ANKS1B: variants seen among roughly 807,000 people sequenced by gnomAD.
ANKS1B encodes ankyrin repeat and sterile alpha motif domain-containing protein 1B.
Under a neutral mutation model 148.3 loss-of-function variants are expected in ANKS1B, and 36 were observed. That is an observed-to-expected ratio of 0.24 (90% CI 0.19 to 0.32). ANKS1B has a LOEUF of 0.32. Ranked by LOEUF, ANKS1B falls within the 10% of genes least tolerant of loss-of-function variation. The pLI is 1.00. For missense variants in ANKS1B, 1,157 were observed against 1,542.6 expected (o/e 0.75, Z 4.19); for synonymous variants, 542 against 560.8 (o/e 0.97, Z 0.47).
At chr12:99,922,335 T>C (rs779642800) in intron 1 of ANKS1B, among the ~76,000 whole-genome samples, 1 of 152,132 alleles carries the variant, frequency 6.6e-6, no homozygotes, top group Non-Finnish European at 1.5e-5. Context: ...TGTTACTAGG[T>C]TTAAGAGCCA....
intron 1 of ANKS1B, among the ~76,000 whole-genome samples, chr12:99,914,588 A>G (rs1011198803): frequency 1.3e-5 from 2 of 152,144 alleles, no homozygotes; most frequent in Non-Finnish European, 2.9e-5. Context: ...CTAACATACT[A>G]TACTGAAATC....
chr12:98,788,509 T>A (rs559425899), intron 22 of ANKS1B, among the ~76,000 whole-genome samples: 21 of 152,150 alleles, frequency 1.4e-4, no homozygotes, highest in Admixed American at 7.2e-4. Context: ...TCATAGGAGG[T>A]CTGGCACAAA....
chr12:99,709,735 G>A (rs1228443259), intron 8 of ANKS1B, among the ~76,000 whole-genome samples: 3 of 152,038 alleles, frequency 2.0e-5, no homozygotes. Flanking sequence ...GAGACAAGGG[G>A]AACAACATTA....
At chr12:99,115,932 CAAAAA>C (rs60585792) in intron 15 of ANKS1B, among the ~76,000 whole-genome samples, 3 of 65,046 alleles carry the variant, frequency 4.6e-5, no homozygotes, top group African/African-American at 1.5e-4. Context: ...GACTCCGTCT[CAAAAA>C]AAAAAAAAAA....
At chr12:99,824,227 G>C (rs890967410) in intron 2 of ANKS1B, among the ~76,000 whole-genome samples, 7 of 152,078 alleles carry the variant, frequency 4.6e-5, no homozygotes, top group Non-Finnish European at 8.8e-5. Context: ...ACTAAAGTGA[G>C]GGCCAGGCGT....
At chr12:98,846,848 T>C (rs892177984) in intron 17 of ANKS1B, among the ~76,000 whole-genome samples, 1 of 152,236 alleles carries the variant, frequency 6.6e-6, no homozygotes. Flanking sequence ...ATGACAGTTA[T>C]CAAACTAGTC....
chr12:99,267,488 T>A (rs1216520284), intron 12 of ANKS1B, among the ~76,000 whole-genome samples: 1 of 152,192 alleles, frequency 6.6e-6, no homozygotes, highest in Non-Finnish European at 1.5e-5. Context: ...TAATTAAATA[T>A]AATAGGATAA....
chr12:99,069,154 G>A (rs1009981893), intron 16 of ANKS1B, among the ~76,000 whole-genome samples: 7 of 152,136 alleles, frequency 4.6e-5, no homozygotes, highest in Non-Finnish European at 8.8e-5. Context: ...GTGCATGGCC[G>A]TGTGGGTGTT....
intron 17 of ANKS1B, among the ~76,000 whole-genome samples, chr12:99,038,202 G>C (rs546991311): frequency 1.3e-5 from 2 of 152,250 alleles, no homozygotes; most frequent in South Asian, 4.1e-4. Flanking sequence ...GAGATTTCTA[G>C]AAATGTGTGC....
intron 15 of ANKS1B, among the ~76,000 whole-genome samples, chr12:99,095,823 A>G (rs2055871356): frequency 6.6e-6 from 1 of 152,170 alleles, no homozygotes; most frequent in Non-Finnish European, 1.5e-5. Context: ...TTGTGTGTCA[A>G]TTATAGCATT....
chr12:99,325,591 C>T (rs1313266846), intron 12 of ANKS1B, among the ~76,000 whole-genome samples: 1 of 152,110 alleles, frequency 6.6e-6, no homozygotes, highest in Non-Finnish European at 1.5e-5. Flanking sequence ...TTACACAATT[C>T]TGACTGAAAA....
intron 1 of ANKS1B, among the ~76,000 whole-genome samples, chr12:99,907,594 T>A (rs1462659111): frequency 6.6e-6 from 1 of 152,138 alleles, no homozygotes; most frequent in Admixed American, 6.6e-5. Flanking sequence ...TATATCTTCA[T>A]AACCGTCAGC....
intron 1 of ANKS1B, among the ~76,000 whole-genome samples, chr12:99,874,942 A>G (rs1184884850): frequency 6.6e-6 from 1 of 152,220 alleles, no homozygotes. Context: ...TATTATAGTA[A>G]GAACTCAGCA....
At chr12:99,750,627 A>T (rs1023712940) in intron 8 of ANKS1B, among the ~76,000 whole-genome samples, 3 of 152,076 alleles carry the variant, frequency 2.0e-5, no homozygotes, top group Admixed American at 1.3e-4. Flanking sequence ...ATGACTGAGT[A>T]CTAGTCAGTG....
intron 14 of ANKS1B, among the ~76,000 whole-genome samples, chr12:99,172,706 T>C (rs1163593150): frequency 6.6e-6 from 1 of 152,168 alleles, no homozygotes; most frequent in Non-Finnish European, 1.5e-5. Flanking sequence ...AGAGCAATGT[T>C]AAAATTTCAG....
At chr12:98,769,692 G>C (rs2098543027) in intron 25 of ANKS1B, among the ~76,000 whole-genome samples, 1 of 152,164 alleles carries the variant, frequency 6.6e-6, no homozygotes, top group South Asian at 2.1e-4. Flanking sequence ...GGGGCAGATA[G>C]TCCACAGAAA....
chr12:99,938,657 C>G, intron 1 of ANKS1B, among the ~76,000 whole-genome samples: 1 of 152,170 alleles, frequency 6.6e-6, no homozygotes, highest in Non-Finnish European at 1.5e-5. Flanking sequence ...TAGAGAAAAC[C>G]AGAGTTGGTC....
chr12:99,738,107 T>A (rs2059778929), intron 8 of ANKS1B, among the ~76,000 whole-genome samples: 1 of 152,156 alleles, frequency 6.6e-6, no homozygotes, highest in Admixed American at 6.6e-5. Context: ...TGTTCCTTCT[T>A]TGGGATGAAC....
At chr12:99,948,479 CAT>C (rs913346004) in intron 1 of ANKS1B, among the ~76,000 whole-genome samples, 3 of 151,950 alleles carry the variant, frequency 2.0e-5, no homozygotes, top group South Asian at 2.1e-4. Flanking sequence ...TACAAAGAAA[CAT>C]ATTCTAGGCT....
Sources: gnomAD v4.1 joint callset for allele counts (sites outside exome capture counted in the v4.1 genomes callset) on GRCh38, gnomAD v4.1.1 for gene constraint, MANE v1.5 for transcripts, NCBI Gene and HGNC (gene_info 2026-07-23, HGNC 2026-07-21) for gene names.